PTPRD: variants seen among roughly 807,000 people sequenced by gnomAD.
PTPRD encodes protein tyrosine phosphatase receptor type D, also known as receptor-type tyrosine-protein phosphatase delta.
A neutral mutation model predicts 214.5 loss-of-function variants in PTPRD; 34 were observed. The ratio of observed to expected loss-of-function variants is 0.16; its 90% CI spans 0.12 to 0.21. The LOEUF is 0.21. Among genes scored for constraint, PTPRD ranks in the 10% least tolerant of loss-of-function variants. The pLI is 1.00. For missense variants in PTPRD, 2,545 were observed against 2,398.7 expected, an observed-to-expected ratio of 1.06 and a Z score of -1.27; for synonymous variants, 1,128 against 845.7, an observed-to-expected ratio of 1.33 and a Z score of -5.79.
At chr9:9,734,110 C>G (rs1284764268) in intron 7 of PTPRD, among the ~76,000 whole-genome samples, 1 of 152,150 alleles carries the variant, frequency 6.6e-6, no homozygotes, top group Non-Finnish European at 1.5e-5. Flanking sequence ...CAGCATTGTA[C>G]TACTGAAAAA....
intron 4 of PTPRD, among the ~76,000 whole-genome samples, chr9:10,028,017 C>A (rs1183316476): frequency 6.6e-6 from 1 of 152,050 alleles, no homozygotes; most frequent in Non-Finnish European, 1.5e-5. Flanking sequence ...TGACTTTGTC[C>A]CCATGCAAAT....
At chr9:9,769,484 C>T (rs896207528) in intron 5 of PTPRD, among the ~76,000 whole-genome samples, 3 of 152,008 alleles carry the variant, frequency 2.0e-5, no homozygotes, top group Non-Finnish European at 4.4e-5. Context: ...CGCCACCACA[C>T]CCGGCTAATT....
At chr9:9,250,189 C>T (rs993405396) in intron 9 of PTPRD, among the ~76,000 whole-genome samples, 4 of 152,012 alleles carry the variant, frequency 2.6e-5, no homozygotes, top group African/African-American at 7.2e-5. Context: ...TATAGAAGCT[C>T]CAGAGCACTG....
At chr9:8,489,092 G>T (rs1197919785) in intron 27 of PTPRD, among the ~76,000 whole-genome samples, 1 of 152,094 alleles carries the variant, frequency 6.6e-6, no homozygotes, top group Non-Finnish European at 1.5e-5. Flanking sequence ...TGTCATTTAT[G>T]AGCATGTTCT....
intron 8 of PTPRD, among the ~76,000 whole-genome samples, chr9:9,529,315 C>G (rs930256231): frequency 6.8e-6 from 1 of 147,970 alleles, no homozygotes; most frequent in African/African-American, 2.5e-5. Context: ...AAAAAAAAGT[C>G]AGTCTTTGAA....
chr9:8,535,833 C>G (rs999559475), intron 14 of PTPRD, among the ~76,000 whole-genome samples: 1 of 151,782 alleles, frequency 6.6e-6, no homozygotes, highest in African/African-American at 2.4e-5. Flanking sequence ...TCTAATAGCT[C>G]CATTAATTGT....
intron 3 of PTPRD, among the ~76,000 whole-genome samples, chr9:10,218,438 C>T (rs562018242): frequency 1.8e-4 from 27 of 151,910 alleles, no homozygotes; most frequent in Non-Finnish European, 2.9e-4. Flanking sequence ...ATGGGGGCAG[C>T]ATTACTTTTG....
intron 11 of PTPRD, among the ~76,000 whole-genome samples, chr9:8,875,060 T>G (rs143727173): frequency 2.6e-5 from 4 of 152,264 alleles, no homozygotes; most frequent in African/African-American, 9.6e-5. Context: ...ATGGATGCAT[T>G]AAAGAGAGTC....
At chr9:9,672,094 A>G (rs1228506896) in intron 7 of PTPRD, among the ~76,000 whole-genome samples, 1 of 152,164 alleles carries the variant, frequency 6.6e-6, no homozygotes, top group Non-Finnish European at 1.5e-5. Flanking sequence ...TGAACTAATC[A>G]CTATAGTAGG....
chr9:8,373,854 G>GTGTCTGTC (rs1360837035), intron 39 of PTPRD, among the ~76,000 whole-genome samples: 9 of 129,156 alleles, frequency 7.0e-5, no homozygotes, highest in Non-Finnish European at 1.3e-4. Context: ...GTATGTGTAT[G>GTGTCTGTC]TGTCTGTCTG....
At chr9:8,974,663 A>C (rs2099257979) in intron 11 of PTPRD, among the ~76,000 whole-genome samples, 1 of 152,010 alleles carries the variant, frequency 6.6e-6, no homozygotes, top group Non-Finnish European at 1.5e-5. Context: ...AATCCTCTTT[A>C]AGCCTTTGCT....
rs2099405437 is a variant in PTPRD, at chr9:10,198,202, T to C, written c.-545+142761A>G. On this transcript the variant is annotated intron_variant, in intron 3 of 45. Transcript: ENST00000381196. The stretch of plus-strand genomic sequence containing the variant: ...GTTGGAAGGATGAACCTCATGCAAA[T>C]TAAAGCTATAAGAAGAACTAACAAC... Among the ~76,000 whole-genome samples, 3 of 152,084 alleles carry C rather than the reference T, an allele frequency of 2.0e-5. No homozygotes were observed. The South Asian group carries it at 6.2e-4, about 31-fold the overall frequency.
intron 2 of PTPRD, among the ~76,000 whole-genome samples, chr9:10,598,674 ATGTGTGTG>A (rs36093644): frequency 4.0e-4 from 57 of 143,904 alleles, no homozygotes; most frequent in African/African-American, 1.4e-3. Flanking sequence ...TTATATATGT[ATGTGTGTG>A]TGTGTGTGTG....
intron 17 of PTPRD, among the ~76,000 whole-genome samples, chr9:8,526,083 G>C (rs1197393270): frequency 6.6e-6 from 1 of 151,986 alleles, no homozygotes; most frequent in Non-Finnish European, 1.5e-5. Context: ...AGAGAAAAAA[G>C]AATTGAAGAA....
intron 9 of PTPRD, among the ~76,000 whole-genome samples, chr9:9,304,387 T>G (rs1956439095): frequency 6.6e-6 from 1 of 152,174 alleles, no homozygotes; most frequent in Non-Finnish European, 1.5e-5. Flanking sequence ...CATTCCCATT[T>G]GGATGTTTCC....
chr9:8,751,766 A>G (rs73419260), intron 11 of PTPRD, among the ~76,000 whole-genome samples: 8,749 of 152,244 alleles, frequency 0.057, 644 homozygotes, highest in African/African-American at 0.17. Context: ...AGTGTTTCTT[A>G]TTAGTTACCT....
chr9:8,666,529 G>C (rs1322059569), intron 12 of PTPRD, among the ~76,000 whole-genome samples: 1 of 152,168 alleles, frequency 6.6e-6, no homozygotes, highest in Non-Finnish European at 1.5e-5. Context: ...TAAAATTCTA[G>C]CAATAAAATT....
At chr9:9,260,339 T>A (rs2132081435) in intron 9 of PTPRD, among the ~76,000 whole-genome samples, 1 of 151,990 alleles carries the variant, frequency 6.6e-6, no homozygotes, top group Admixed American at 6.6e-5. Context: ...GGACTGACTA[T>A]ATTAAATCAT....
At chr9:10,292,532 C>T (rs1453332184) in intron 3 of PTPRD, among the ~76,000 whole-genome samples, 2 of 151,936 alleles carry the variant, frequency 1.3e-5, no homozygotes, top group Non-Finnish European at 2.9e-5. Context: ...AAGACACAAG[C>T]TAAGTTCAGA....
Sources: allele counts gnomAD v4.1 joint callset (sites outside exome capture counted in the v4.1 genomes callset), GRCh38; gene constraint gnomAD v4.1.1; transcripts MANE v1.5; gene names NCBI Gene and HGNC (gene_info 2026-07-23, HGNC 2026-07-21).